TRAPPC9: variants seen among roughly 807,000 people sequenced by gnomAD.
TRAPPC9 encodes IKK2 binding protein.
Under a neutral mutation model 124.0 loss-of-function variants are expected in TRAPPC9, and 83 were observed. That is an observed-to-expected ratio of 0.67 (90% confidence interval 0.56 to 0.80). The LOEUF is 0.80. TRAPPC9 is among the 30% of genes least tolerant of loss of function. The probability of loss-of-function intolerance (pLI) is 0.00; values close to 1 mark genes in which losing one functional copy is unlikely to be tolerated. For synonymous variants in TRAPPC9, 638 were observed against 617.5 expected (o/e 1.03, Z -0.49); for missense variants, 1,302 against 1,508.3 (o/e 0.86, Z 2.27).
chr8:140,073,734 C>T (rs1453187472), intron 17 of TRAPPC9, among the ~76,000 whole-genome samples: 1 of 152,154 alleles, frequency 6.6e-6, no homozygotes, highest in Non-Finnish European at 1.5e-5. Flanking sequence ...CACCGTCACT[C>T]AGTATGGGAT....
chr8:140,368,321 G>A (rs2068180792), intron 8 of TRAPPC9, among the ~76,000 whole-genome samples: 1 of 152,164 alleles, frequency 6.6e-6, no homozygotes, highest in African/African-American at 2.4e-5. Context: ...CACATGTTGA[G>A]GGTGAACACA....
At chr8:140,343,649 T>C (rs1315751276) in intron 9 of TRAPPC9, among the ~76,000 whole-genome samples, 1 of 152,102 alleles carries the variant, frequency 6.6e-6, no homozygotes, top group Non-Finnish European at 1.5e-5. Flanking sequence ...TAGTTAAAAA[T>C]ACCCCACTAG....
At chr8:139,963,183 C>T (rs1835455021) in intron 19 of TRAPPC9, among the ~76,000 whole-genome samples, 1 of 152,146 alleles carries the variant, frequency 6.6e-6, no homozygotes. Flanking sequence ...CCTTTGGATA[C>T]AATACATAGA....
chr8:140,175,001 A>ATT (rs35949640), intron 17 of TRAPPC9, among the ~76,000 whole-genome samples: 2,241 of 141,024 alleles, frequency 0.016, 22 homozygotes, highest in Non-Finnish European at 0.023. Flanking sequence ...GCACCTGGGG[A>ATT]TTTTTTTTTT....
chr8:139,864,133 G>A (rs966264544), intron 21 of TRAPPC9, among the ~76,000 whole-genome samples: 1 of 152,150 alleles, frequency 6.6e-6, no homozygotes, highest in African/African-American at 2.4e-5. Flanking sequence ...TATTCAGCTG[G>A]CGCCCAGGAC....
intron 21 of TRAPPC9, among the ~76,000 whole-genome samples, chr8:139,824,856 C>T (rs1247415471): frequency 6.6e-6 from 1 of 152,214 alleles, no homozygotes. Flanking sequence ...AGCCACTGTG[C>T]CTAGCTGACT....
At chr8:140,249,212 G>C (rs2064065670) in intron 16 of TRAPPC9, among the ~76,000 whole-genome samples, 1 of 152,120 alleles carries the variant, frequency 6.6e-6, no homozygotes, top group African/African-American at 2.4e-5. Context: ...CCCCGTGTCT[G>C]TTGCTGCCAC....
chr8:139,919,399 A>G (rs1832364450), intron 19 of TRAPPC9, among the ~76,000 whole-genome samples: 1 of 152,224 alleles, frequency 6.6e-6, no homozygotes, highest in African/African-American at 2.4e-5. Context: ...GAGCAATTCA[A>G]AAGTTTTAAA....
intron 6 of TRAPPC9, among the ~76,000 whole-genome samples, chr8:140,402,428 T>C (rs1214457837): frequency 2.8e-5 from 4 of 143,868 alleles, no homozygotes; most frequent in African/African-American, 1.0e-4. Flanking sequence ...GTGCAGTGGC[T>C]CACGCCTGTA....
chr8:139,831,117 C>G (rs540306288), intron 21 of TRAPPC9, among the ~76,000 whole-genome samples: 8 of 152,200 alleles, frequency 5.3e-5, no homozygotes, highest in African/African-American at 1.9e-4. Flanking sequence ...AGTGGGCAAA[C>G]AGGAGAGAGG....
At chr8:139,973,795 G>A (rs1375949169) in intron 19 of TRAPPC9, among the ~76,000 whole-genome samples, 1 of 152,106 alleles carries the variant, frequency 6.6e-6, no homozygotes, top group African/African-American at 2.4e-5. Flanking sequence ...GTGAGTGCCA[G>A]GCCCCCAAAC....
At chr8:139,947,603 T>C (rs1220322060) in intron 19 of TRAPPC9, among the ~76,000 whole-genome samples, 1 of 152,002 alleles carries the variant, frequency 6.6e-6, no homozygotes, top group Admixed American at 6.6e-5. Context: ...CTCACGCCTG[T>C]AATCCCAGCA....
chr8:139,762,061 C>T (rs1820271348), intron 21 of TRAPPC9, among the ~76,000 whole-genome samples: 1 of 151,900 alleles, frequency 6.6e-6, no homozygotes, highest in Non-Finnish European at 1.5e-5. Context: ...GGATGCTCTG[C>T]TCCTTCCTGG....
chr8:139,738,011 C>T (rs997022791), intron 21 of TRAPPC9, among the ~76,000 whole-genome samples: 4 of 152,196 alleles, frequency 2.6e-5, no homozygotes, highest in Admixed American at 6.5e-5. Flanking sequence ...AGAGGAAGGA[C>T]GCAGCAGGGG....
chr8:140,342,186 G>A (rs1277914197), intron 9 of TRAPPC9, among the ~76,000 whole-genome samples: 1 of 152,144 alleles, frequency 6.6e-6, no homozygotes, highest in African/African-American at 2.4e-5. Flanking sequence ...GCTGGGGAGA[G>A]GACACCACCT....
At chr8:140,188,165 G>C (rs990739458) in intron 17 of TRAPPC9, among the ~76,000 whole-genome samples, 1 of 152,252 alleles carries the variant, frequency 6.6e-6, no homozygotes, top group Non-Finnish European at 1.5e-5. Flanking sequence ...ATATTCTTCA[G>C]CAGGTTGAGG....
intron 20 of TRAPPC9, among the ~76,000 whole-genome samples, chr8:139,893,281 A>G (rs1830460564): frequency 6.6e-6 from 1 of 152,114 alleles, no homozygotes; most frequent in Non-Finnish European, 1.5e-5. Flanking sequence ...ACCTGGACGC[A>G]CCCTGCTCTC....
chr8:140,102,893 A>G (rs897359891), intron 17 of TRAPPC9, among the ~76,000 whole-genome samples: 1 of 152,068 alleles, frequency 6.6e-6, no homozygotes, highest in African/African-American at 2.4e-5. Flanking sequence ...ATAAAGCTCA[A>G]CCCCCCACAT....
intron 17 of TRAPPC9, among the ~76,000 whole-genome samples, chr8:140,200,393 G>T (rs963657659): frequency 1.3e-5 from 2 of 152,108 alleles, no homozygotes; most frequent in Admixed American, 1.3e-4. Flanking sequence ...TCCAGCCCTA[G>T]AGTGTGAGCT....
Sources: gnomAD v4.1 joint callset for allele counts (sites outside exome capture counted in the v4.1 genomes callset) on GRCh38, gnomAD v4.1.1 for gene constraint, MANE v1.5 for transcripts, NCBI Gene and HGNC (gene_info 2026-07-23, HGNC 2026-07-21) for gene names.